The following CLIP1 variants were observed in gnomAD, a reference collection of about 807,000 sequenced individuals.
The protein encoded by CLIP1 is CAP-Gly domain-containing linker protein 1.
Under a neutral mutation model 161.6 loss-of-function variants are expected in CLIP1, and 66 were observed. That is an observed-to-expected ratio of 0.41 (90% CI 0.33 to 0.50). The LOEUF (loss-of-function observed/expected upper bound fraction) is 0.50, where lower values mean the gene tolerates loss of function less well. CLIP1 is among the 20% of genes least tolerant of loss of function. The pLI is 0.27. For synonymous variants in CLIP1, 598 were observed against 626.2 expected (o/e 0.96, Z 0.67); for missense variants, 1,376 against 1,702.0 (o/e 0.81, Z 3.37).
chr12:122,392,789 G>GT lies in CLIP1; in HGVS notation c.-106-12232dup, dbSNP rs948872466. ...CTAAAAGCACAAAAATTGTTTTTTGGTTTTTTTTTGAGACAGGGTTTCATT... is the reference window on the plus strand; with the variant it reads ...CTAAAAGCACAAAAATTGTTTTTTGGTTTTTTTTTTGAGACAGGGTTTCATT... On this transcript the variant is annotated intron_variant, in intron 1 of 25. Coordinates refer to ENST00000620786, the MANE Select transcript of CLIP1 (RefSeq NM_001247997.2). Among the ~76,000 whole-genome samples, 671 of 150,828 alleles carry GT rather than the reference G, an allele frequency of 4.4e-3. 4 individuals carry two copies. The highest frequency in any genetic ancestry group is 0.013 in the African/African-American group (529 of 41,146).
chr12:122,355,120 C>T lies in CLIP1; in HGVS notation c.1198G>A (p.Asp400Asn). 6.2e-7 allele frequency: 1 copy of T among 1,614,004 alleles called. No individual in the cohort carries two copies. The highest frequency in any genetic ancestry group is 2.2e-5 in the East Asian group (1 of 44,884). The change falls in exon 6 of 26, where the codon GAC (aspartate) becomes AAC (asparagine). Residue 400 changes from aspartate to asparagine, a missense_variant. Asp to Asn is a conservative substitution (Grantham distance 23). Around this residue, in one of 6 missense-constraint regions of CLIP1, gnomAD observed 211 missense variants for 295.1 expected, o/e 0.72. Transcript: ENST00000620786. This position sits in a 1 kb window ranked among gnomAD's most constrained non-coding sequence, Gnocchi z 4.1. ...QELALARDGH[D>N]QHVLELEAKM... ...CAACAAGGTCCAGACTTCACCTGGTCATGTCCGTCCCGGGCCAGAGCTAGC... is the reference window on the plus strand; with the variant it reads ...CAACAAGGTCCAGACTTCACCTGGTTATGTCCGTCCCGGGCCAGAGCTAGC...
intron 20 of CLIP1, among the ~76,000 whole-genome samples, chr12:122,292,994 C>A: frequency 1.0e-5 from 1 of 97,220 alleles, no homozygotes; most frequent in Admixed American, 9.3e-5. Flanking sequence ...AAGAGCAAGA[C>A]TCTGTCTCAA....
chr12:122,333,758 C>T (rs73404065), intron 14 of CLIP1, among the ~76,000 whole-genome samples: 7,805 of 152,226 alleles, frequency 0.051, 513 homozygotes, highest in African/African-American at 0.16. Flanking sequence ...GTCAGGGTAG[C>T]TCAGATGAAA....
intron 17 of CLIP1, 67 bp from the exon 18 acceptor site, chr12:122,319,415 G>T: frequency 1.6e-6 from 2 of 1,224,670 alleles, no homozygotes; most frequent in South Asian, 1.2e-5. Context: ...TGAGGATCGG[G>T]CTGTGCTGTT....
At chr12:122,357,848 C>A (rs556689910) in intron 5 of CLIP1, among the ~76,000 whole-genome samples, 2 of 151,318 alleles carry the variant, frequency 1.3e-5, no homozygotes, top group Non-Finnish European at 3.0e-5. Context: ...CCAGCCGCCC[C>A]GCCTGGGAGG....
intron 20 of CLIP1, among the ~76,000 whole-genome samples, chr12:122,293,002 C>CAAAA (rs57326141): frequency 4.6e-5 from 2 of 43,572 alleles, no homozygotes; most frequent in African/African-American, 1.1e-4. Flanking sequence ...GACTCTGTCT[C>CAAAA]AAAAAAAAAA....
At chr12:122,360,856 G>T in intron 5 of CLIP1, 103 bp downstream of exon 5, 1 of 948,898 alleles carries the variant, frequency 1.1e-6, no homozygotes, top group South Asian at 1.9e-5. Flanking sequence ...GCAACATTCA[G>T]CACAAGGACA....
At chr12:122,294,606 A>G (rs569375178) in intron 20 of CLIP1, among the ~76,000 whole-genome samples, 1 of 152,048 alleles carries the variant, frequency 6.6e-6, no homozygotes, top group Admixed American at 6.6e-5. Context: ...CTATAAAAAG[A>G]TCAAAAAATT....
rs188949627 is a variant in CLIP1, at chr12:122,287,523, C to T, written c.3647+966G>A. Among the ~76,000 whole-genome samples, 526 of 152,334 alleles carry T rather than the reference C, an allele frequency of 3.5e-3. 5 individuals are homozygous for T. The highest frequency in any genetic ancestry group is 0.012 in the African/African-American group (491 of 41,576). ...ATATGCACCCATTCTGCAGCACCCA[C>T]TGGACAGGCTGTGGTTCTCGGCAGT... is the stretch of plus-strand genomic sequence containing the variant. On this transcript the variant is annotated intron_variant, in intron 21 of 25. Transcript: ENST00000620786.
intron 1 of CLIP1, among the ~76,000 whole-genome samples, chr12:122,414,939 T>A (rs1956678887): frequency 6.6e-6 from 1 of 152,056 alleles, no homozygotes; most frequent in Admixed American, 6.6e-5. Flanking sequence ...ATGCCTATAA[T>A]CCCAGCTACT....
intron 20 of CLIP1, among the ~76,000 whole-genome samples, chr12:122,292,553 T>C (rs1354098879): frequency 6.6e-6 from 1 of 152,134 alleles, no homozygotes; most frequent in East Asian, 1.9e-4. Context: ...ATCAGCCATT[T>C]CTCTATGCAC....
chr12:122,351,027 G>T, intron 9 of CLIP1, 84 bp downstream of exon 9: 1 of 1,032,912 alleles, frequency 9.7e-7, no homozygotes, highest in Non-Finnish European at 1.4e-6. Context: ...TGCAGTTAGT[G>T]TTTGAGTATA....
At chr12:122,418,744 C>T (rs549550766) in intron 1 of CLIP1, among the ~76,000 whole-genome samples, 7 of 152,228 alleles carry the variant, frequency 4.6e-5, no homozygotes, top group African/African-American at 1.4e-4. Context: ...GCCTGCGTGA[C>T]AGAGCGAGAC....
intron 3 of CLIP1, among the ~76,000 whole-genome samples, chr12:122,372,019 C>T (rs1325669409): frequency 2.6e-5 from 4 of 152,054 alleles, no homozygotes; most frequent in East Asian, 3.9e-4. Context: ...CAGTGGCTCA[C>T]GCCTGTAATC....
intron 2 of CLIP1, among the ~76,000 whole-genome samples, chr12:122,378,892 G>A (rs762403661): frequency 2.0e-5 from 3 of 151,984 alleles, no homozygotes; most frequent in South Asian, 2.1e-4. Context: ...TTGGGAGGCC[G>A]AGGCGGGCAG....
chr12:122,363,286 G>A (rs1953961093), intron 4 of CLIP1, among the ~76,000 whole-genome samples: 1 of 152,102 alleles, frequency 6.6e-6, no homozygotes, highest in Non-Finnish European at 1.5e-5. Flanking sequence ...GATCACTTGT[G>A]CCCAGGAGTT....
intron 9 of CLIP1, among the ~76,000 whole-genome samples, chr12:122,348,720 G>A (rs1281346730): frequency 6.6e-6 from 1 of 152,100 alleles, no homozygotes; most frequent in Non-Finnish European, 1.5e-5. Context: ...GCTGCTCTCA[G>A]CAACTGTCAG....
At chr12:122,388,021 G>C (rs1025612674) in intron 1 of CLIP1, among the ~76,000 whole-genome samples, 5 of 152,068 alleles carry the variant, frequency 3.3e-5, no homozygotes, top group African/African-American at 1.2e-4. Flanking sequence ...ATGTCAGAGG[G>C]CTGGGTGTGG....
chr12:122,279,155 C>A lies in CLIP1; in HGVS notation c.3648-10G>T. The A allele has an allele frequency of 6.3e-7, 1 of 1,581,756 alleles. No homozygotes were observed. The highest frequency in any genetic ancestry group is 8.6e-7 in the Non-Finnish European group (1 of 1,156,960). ...TATGAACTTGGATTCTCTAAAAGAC[C>A]AAAGAGTTAAAAGTTCCACAAATCA... On this transcript the variant is annotated splice_polypyrimidine_tract_variant and intron_variant, in intron 21 of 25. Coordinates refer to ENST00000620786, the MANE Select transcript of CLIP1 (RefSeq NM_001247997.2). This position sits in a 1 kb window ranked among gnomAD's most constrained non-coding sequence, Gnocchi z 4.5.
Sources: gnomAD v4.1 joint callset for allele counts (sites outside exome capture counted in the v4.1 genomes callset) on GRCh38, gnomAD v4.1.1 for gene constraint, gnomAD v4.1.1 regional missense constraint, Gnocchi (gnomAD v3.1) non-coding constraint, MANE v1.5 for transcripts, NCBI Gene and HGNC (gene_info 2026-07-23, HGNC 2026-07-21) for gene names.